The following CDKN2B-AS1 variants were observed in gnomAD, a reference collection of about 807,000 sequenced individuals.
CDKN2B-AS1 encodes CDKN2B and CDKN2A antisense cis and trans regulatory RNA 1, also known as CDKN2B antisense RNA 1 (non-protein coding).
intron 1 of CDKN2B-AS1, among the ~76,000 whole-genome samples, chr9:22,024,362 G>C (rs1467258172): frequency 2.6e-5 from 4 of 152,168 alleles, no homozygotes; most frequent in Admixed American, 6.5e-5. Flanking sequence ...CGGATTCAGG[G>C]GTGCCTGCCT....
chr9:22,117,261 CT>C (rs1353075976), intron 4 of CDKN2B-AS1, among the ~76,000 whole-genome samples: 2 of 152,146 alleles, frequency 1.3e-5, no homozygotes, highest in African/African-American at 4.8e-5. Context: ...ATTTAACCTA[CT>C]TGTGTGCAAA....
intron 4 of CDKN2B-AS1, among the ~76,000 whole-genome samples, chr9:22,074,631 A>G (rs1287232459): frequency 2.0e-5 from 3 of 152,234 alleles, no homozygotes; most frequent in African/African-American, 7.2e-5. Context: ...GAGAGCTGGA[A>G]GCTGAGAGTA....
chr9:22,031,227 G>T (rs957691713), intron 1 of CDKN2B-AS1, among the ~76,000 whole-genome samples: 1 of 152,054 alleles, frequency 6.6e-6, no homozygotes, highest in African/African-American at 2.4e-5. Flanking sequence ...TGGGTTTGTT[G>T]TGCAAGTTTT....
rs747908376 is a variant in CDKN2B-AS1, at chr9:22,006,022, C to T, written n.29+10861C>T. 1.2e-5 allele frequency: 19 copies of T among 1,603,878 alleles called. No homozygotes were observed. Among genetic ancestry groups the T allele is most frequent in the Admixed American group, 8.3e-5 (5 of 59,944 alleles). ...GTGGCTGTGCGCAGGTACCCTGCAA[C>T]GTCGCGGTGGCCCCGCTCCTCGGCC... On this transcript the variant is annotated intron_variant and non_coding_transcript_variant, in intron 1 of 4. Coordinates refer to ENST00000650946, the Ensembl canonical transcript of CDKN2B-AS1. This position sits in a 1 kb window ranked among gnomAD's most constrained non-coding sequence, Gnocchi z 6.4.
intron 4 of CDKN2B-AS1, among the ~76,000 whole-genome samples, chr9:22,125,624 G>A (rs2131379045): frequency 6.6e-6 from 1 of 152,286 alleles, no homozygotes; most frequent in South Asian, 2.1e-4. Context: ...AAACTTTTTG[G>A]AAGATAAGTT....
chr9:22,071,567 C>T (rs1418740188), intron 4 of CDKN2B-AS1, among the ~76,000 whole-genome samples: 1 of 151,996 alleles, frequency 6.6e-6, no homozygotes, highest in African/African-American at 2.4e-5. Flanking sequence ...TTCACTTTTG[C>T]CACTAATTAT....
intron 4 of CDKN2B-AS1, among the ~76,000 whole-genome samples, chr9:22,084,428 T>G (rs1422344746): frequency 1.3e-5 from 2 of 152,232 alleles, no homozygotes; most frequent in East Asian, 3.8e-4. Flanking sequence ...AAATTGGCCA[T>G]GTAGTAAATT....
intron 4 of CDKN2B-AS1, among the ~76,000 whole-genome samples, chr9:22,085,050 C>T (rs577966159): frequency 1.3e-5 from 2 of 152,196 alleles, no homozygotes; most frequent in Admixed American, 6.5e-5. Context: ...GAACATTTTT[C>T]CACAGAGAAC....
At chr9:22,097,825 A>G (rs1052615523) in intron 4 of CDKN2B-AS1, among the ~76,000 whole-genome samples, 2 of 152,194 alleles carry the variant, frequency 1.3e-5, no homozygotes, top group Non-Finnish European at 2.9e-5. Context: ...ACATCTTCAC[A>G]GCCCTTTCAG....
intron 4 of CDKN2B-AS1, among the ~76,000 whole-genome samples, chr9:22,126,571 A>ATTTTTTTTT (rs1818026896): frequency 1.4e-4 from 14 of 100,598 alleles, no homozygotes; most frequent in African/African-American, 6.1e-4. Context: ...GAGTAAGTGG[A>ATTTTTTTTT]TTCTTTTTTT....
chr9:22,065,162 T>G (rs1265575168), intron 4 of CDKN2B-AS1, among the ~76,000 whole-genome samples: 1 of 152,200 alleles, frequency 6.6e-6, no homozygotes, highest in Non-Finnish European at 1.5e-5. Flanking sequence ...TCCCTGGAGT[T>G]TGAGTACCTC....
At chr9:22,046,482 T>C (rs1162767678) in intron 1 of CDKN2B-AS1, 1 of 152,132 alleles carries the variant, frequency 6.6e-6, no homozygotes, top group Admixed American at 6.6e-5. Context: ...GTATAGATAG[T>C]TGTTTGAAGA....
At chr9:22,009,998 T>A (rs1310838884) in intron 1 of CDKN2B-AS1, among the ~76,000 whole-genome samples, 3 of 152,012 alleles carry the variant, frequency 2.0e-5, no homozygotes, top group East Asian at 1.9e-4. Flanking sequence ...CAAAAAAAAA[T>A]TATACTTTAA....
chr9:22,042,595 A>T (rs1241552195), intron 1 of CDKN2B-AS1, among the ~76,000 whole-genome samples: 1 of 152,110 alleles, frequency 6.6e-6, no homozygotes, highest in Non-Finnish European at 1.5e-5. Context: ...CCCCATGGCC[A>T]CCACTGTGGC....
intron 4 of CDKN2B-AS1, among the ~76,000 whole-genome samples, chr9:22,058,181 C>T (rs773905133): frequency 2.0e-5 from 3 of 152,076 alleles, no homozygotes; most frequent in African/African-American, 4.8e-5. Flanking sequence ...GCAGCAAGAG[C>T]GAAACTCCAT....
At chr9:22,106,293 G>A (rs1318247466) in intron 4 of CDKN2B-AS1, among the ~76,000 whole-genome samples, 1 of 152,044 alleles carries the variant, frequency 6.6e-6, no homozygotes, top group Non-Finnish European at 1.5e-5. Flanking sequence ...ATGTTGGCCA[G>A]GTTGGTCTCA....
chr9:22,107,718 G>T (rs1825698183), intron 4 of CDKN2B-AS1, among the ~76,000 whole-genome samples: 1 of 152,148 alleles, frequency 6.6e-6, no homozygotes, highest in African/African-American at 2.4e-5. Context: ...ATGACTGACT[G>T]GTCATTATAG....
chr9:22,023,394 C>G (rs921875612), intron 1 of CDKN2B-AS1, among the ~76,000 whole-genome samples: 4 of 152,058 alleles, frequency 2.6e-5, no homozygotes, highest in Admixed American at 2.0e-4. Flanking sequence ...TGGAAATTCT[C>G]TCCTTCACTT....
At chr9:22,084,959 A>T (rs1410865665) in intron 4 of CDKN2B-AS1, among the ~76,000 whole-genome samples, 1 of 152,230 alleles carries the variant, frequency 6.6e-6, no homozygotes, top group Admixed American at 6.5e-5. Context: ...GATATCTAAG[A>T]TAACACGAAC....
Sources: allele counts gnomAD v4.1 joint callset (sites outside exome capture counted in the v4.1 genomes callset), GRCh38; gene constraint gnomAD v4.1.1; non-coding constraint Gnocchi (gnomAD v3.1); transcripts MANE v1.5; gene names NCBI Gene and HGNC (gene_info 2026-07-23, HGNC 2026-07-21).